CDCA7L: variants seen among roughly 807,000 people sequenced by gnomAD.
The protein encoded by CDCA7L is cell division cycle-associated 7-like protein.
A neutral mutation model predicts 57.4 loss-of-function variants in CDCA7L; 44 were observed. The observed-to-expected ratio is 0.77, with a 90% CI of 0.60 to 0.98. The LOEUF (loss-of-function observed/expected upper bound fraction) is 0.98, where lower values mean the gene tolerates loss of function less well. CDCA7L is among the 50% of genes least tolerant of loss of function. The pLI, the probability that CDCA7L is intolerant of heterozygous loss-of-function variation, is 0.00. For synonymous variants in CDCA7L, 236 were observed against 202.8 expected, an observed-to-expected ratio of 1.16 and a Z score of -1.39; for missense variants, 644 against 580.6, an observed-to-expected ratio of 1.11 and a Z score of -1.12.
chr7:21,937,750 G>C (rs940493485), intron 1 of CDCA7L, among the ~76,000 whole-genome samples: 1 of 151,982 alleles, frequency 6.6e-6, no homozygotes, highest in Non-Finnish European at 1.5e-5. Flanking sequence ...CATAAAGGCA[G>C]ACATATATAT....
In CDCA7L at chr7:21,901,411, A is replaced by ACTAGAAACTAAC. The variant is rs1784838696; in HGVS notation, c.*899_*910dup. The ACTAGAAACTAAC allele has an allele frequency of 2.8e-6, 3 of 1,081,854 alleles. No individual in the cohort carries two copies. In the East Asian group the frequency reaches 8.7e-5, roughly 31 times the overall value. The allele number at this position is 1,081,854 out of a possible 1,614,324, so 67.0% of individuals were successfully genotyped here. ...CTTAGAGTGAAAGTCAGAAAAAAATACTAGAAACTAACTCAGGGCTGAGCG... is the reference window on the plus strand; with the variant it reads ...CTTAGAGTGAAAGTCAGAAAAAAATACTAGAAACTAACCTAGAAACTAACTCAGGGCTGAGCG... On this transcript the variant is annotated 3_prime_UTR_variant, in exon 10 of 10. Transcript: ENST00000406877.
At chr7:21,909,134 A>C (rs2128058789) in intron 3 of CDCA7L, among the ~76,000 whole-genome samples, 1 of 152,330 alleles carries the variant, frequency 6.6e-6, no homozygotes, top group South Asian at 2.1e-4. Context: ...CAGTCAACTC[A>C]AGAAATCCTC....
chr7:21,906,736 G>C, intron 4 of CDCA7L, 97 bp from the exon 5 acceptor site: 1 of 1,136,744 alleles, frequency 8.8e-7, no homozygotes, highest in South Asian at 1.3e-5. Context: ...GCCACCATAA[G>C]AAACCTAACT....
intron 1 of CDCA7L, among the ~76,000 whole-genome samples, chr7:21,942,036 G>GA (rs1415216418): frequency 6.6e-6 from 1 of 152,144 alleles, no homozygotes; most frequent in Non-Finnish European, 1.5e-5. Flanking sequence ...AGAGTGTGGG[G>GA]AAAGAGGCGT....
chr7:21,918,590 T>G (rs1785561340), intron 1 of CDCA7L, among the ~76,000 whole-genome samples: 1 of 152,154 alleles, frequency 6.6e-6, no homozygotes, highest in African/African-American at 2.4e-5. Flanking sequence ...AAGTCTGAAG[T>G]TTTATTTTTT....
chr7:21,905,428 T>A, intron 7 of CDCA7L, 78 bp downstream of exon 7: 2 of 1,495,788 alleles, frequency 1.3e-6, no homozygotes, highest in African/African-American at 1.4e-5. Flanking sequence ...TAAGCCCTGA[T>A]AGAGTTTAAA....
At chr7:21,907,753 A>G (rs1785184777) in intron 4 of CDCA7L, among the ~76,000 whole-genome samples, 1 of 152,084 alleles carries the variant, frequency 6.6e-6, no homozygotes, top group South Asian at 2.1e-4. Flanking sequence ...GCTCCTTGCA[A>G]CTTCTCAGTG....
intron 1 of CDCA7L, among the ~76,000 whole-genome samples, chr7:21,942,453 T>C (rs1786369517): frequency 1.3e-5 from 2 of 152,228 alleles, no homozygotes; most frequent in South Asian, 4.1e-4. Context: ...TTAAGTAGCC[T>C]GTAATCTATT....
chr7:21,945,811 T>C lies in CDCA7L; in HGVS notation c.-7A>G. 3.8e-6 allele frequency: 6 copies of C among 1,598,500 alleles called. No homozygotes were observed. Among genetic ancestry groups the C allele is most frequent in the Non-Finnish European group, 5.1e-6 (6 of 1,173,898 alleles). ...AGCGAGTCGCCAACTCCATTCTTCC[T>C]AACCGGGCTCCAGTCTCCTCCCAGC... On this transcript the variant is annotated 5_prime_UTR_variant, in exon 1 of 10. Transcript: ENST00000406877.
chr7:21,913,305 C>T (rs748225742), intron 2 of CDCA7L, among the ~76,000 whole-genome samples: 145 of 151,630 alleles, frequency 9.6e-4, no homozygotes, highest in Non-Finnish European at 1.6e-3. Context: ...TACTTTGTTC[C>T]TTTGTTGATA....
chr7:21,902,324 A>C lies in CDCA7L; in HGVS notation c.1363T>G (p.Ter455GluextTer24). The C allele has an allele frequency of 6.2e-7, 1 of 1,613,750 alleles. No homozygotes were observed. Among genetic ancestry groups the C allele is most frequent in the Non-Finnish European group, 8.5e-7 (1 of 1,179,732 alleles). The stretch of plus-strand genomic sequence containing the variant: ...GGCTGGTTCTGTTTGTTTTCCTCTT[A>C]ATTGTCTTCTACCAGCTCCTTTTGT... ...SLQKELVEDN[*>E] Residue 455 changes from the stop codon to glutamate (E), a stop_lost, in exon 10 of 10, where the codon TAA becomes GAA. Transcript: ENST00000406877.
intron 9 of CDCA7L, 59 bp from the exon 10 acceptor site, chr7:21,902,411 G>A: frequency 2.0e-6 from 3 of 1,496,962 alleles, no homozygotes; most frequent in South Asian, 2.3e-5. Flanking sequence ...TGGCATTCTA[G>A]GCTTGAGAGA....
chr7:21,915,684 A>G (rs1785463132), intron 2 of CDCA7L, among the ~76,000 whole-genome samples: 1 of 146,694 alleles, frequency 6.8e-6, no homozygotes, highest in African/African-American at 2.5e-5. Context: ...CAAATTAGCC[A>G]GGCGTGGTGG....
At position 21,906,391 on chromosome 7, in the gene CDCA7L, C is replaced by T. The variant is rs1250225650; in HGVS notation, c.819G>A (p.Arg273=). 6.2e-7 allele frequency: 1 copy of T among 1,613,828 alleles called. No homozygotes were observed. The highest frequency in any genetic ancestry group is 8.5e-7 in the Non-Finnish European group (1 of 1,179,828). ...GQITRRMNPT[R]SARPPEKFAL... ...CAAACTTCTCAGGAGGCCGCGCACT[C>T]CGGGTTGGGTTCATACGCCGCGTGA... The change falls in exon 6 of 10, where the codon CGG becomes CGA. Residue 273 remains arginine, a synonymous_variant. Transcript: ENST00000406877.
chr7:21,945,744 G>C (rs1786504740), intron 1 of CDCA7L, 37 bp downstream of exon 1: 1 of 1,601,030 alleles, frequency 6.2e-7, no homozygotes, highest in African/African-American at 1.4e-5. Flanking sequence ...TCAAACTGTG[G>C]GTGCGTCCGG....
rs886062192 is a variant in CDCA7L at position 21,901,518 on chromosome 7, G to A, written c.*804C>T. On this transcript the variant is annotated 3_prime_UTR_variant, in exon 10 of 10. Coordinates refer to ENST00000406877, the MANE Select transcript of CDCA7L (RefSeq NM_018719.5). ...TAGGAGGCAAAGGTTGCAGTGAGCC[G>A]AGGTTGCACCACTGCACTCCCTCCT... 3.1e-5 allele frequency: 9 copies of A among 290,560 alleles called. No individual in the cohort carries two copies. In the East Asian group the frequency reaches 4.3e-4, roughly 14 times the overall value. 18.0% of individuals were successfully genotyped at this position (290,560 alleles called of 1,614,324 possible). A position where few individuals can be genotyped will look rare whatever the true frequency, so the allele number is the denominator to read the frequency against.
chr7:21,944,449 C>CAAAAAAAAAAAAAAAAAAAAA (rs59373889), intron 1 of CDCA7L, among the ~76,000 whole-genome samples: 9 of 61,634 alleles, frequency 1.5e-4, no homozygotes, highest in African/African-American at 7.2e-4. Context: ...ACTCCGTCTC[C>CAAAAAAAAAAAAAAAAAAAAA]AAAAAAAAAA....
At chr7:21,939,986 G>T (rs62445937) in intron 1 of CDCA7L, among the ~76,000 whole-genome samples, 1 of 128,272 alleles carries the variant, frequency 7.8e-6, no homozygotes, top group Admixed American at 7.8e-5. Flanking sequence ...AAAAAAAAAG[G>T]CTTCCGTCTT....
In CDCA7L at chr7:21,908,145, C is replaced by T. The variant is rs1052204522; in HGVS notation, c.666G>A (p.Lys222=). The change falls in exon 4 of 10, where the codon AAG becomes AAA. Residue 222 remains lysine, a synonymous_variant. Coordinates refer to ENST00000406877, the MANE Select transcript of CDCA7L (RefSeq NM_018719.5). ...GAAGCCTCACCATGGCTTTGTTCTCCTTGATGTTCATGGTCCTTTTCAGCA... is the reference window on the plus strand; with the variant it reads ...GAAGCCTCACCATGGCTTTGTTCTCTTTGATGTTCATGGTCCTTTTCAGCA... The part of the protein sequence containing the change: ...DALLKRTMNI[K]ENKAMLAQLL... 6.4e-7 allele frequency: 1 copy of T among 1,558,834 alleles called. No homozygotes were observed. Among genetic ancestry groups the T allele is most frequent in the African/African-American group, 1.4e-5 (1 of 72,478 alleles).
Sources: gnomAD v4.1 joint callset for allele counts (sites outside exome capture counted in the v4.1 genomes callset) on GRCh38, gnomAD v4.1.1 for gene constraint, MANE v1.5 for transcripts, NCBI Gene and HGNC (gene_info 2026-07-23, HGNC 2026-07-21) for gene names.